DHX9: variants seen among roughly 807,000 people sequenced by gnomAD.
DHX9 encodes the protein ATP-dependent RNA helicase A.
DHX9 carries 27 observed loss-of-function variants against 148.7 expected under a neutral mutation model. That is an observed-to-expected ratio of 0.18 (90% CI 0.13 to 0.25). The LOEUF is 0.25. Ranked by LOEUF, DHX9 falls within the 10% of genes least tolerant of loss-of-function variation. DHX9 has a pLI of 1.00. For missense variants in DHX9, 796 were observed against 1,559.6 expected, an observed-to-expected ratio of 0.51 and a Z score of 8.25; for synonymous variants, 529 against 516.6, an observed-to-expected ratio of 1.02 and a Z score of -0.33.
At chr1:182,853,951 GAC>G (rs749307268) in intron 5 of DHX9, 77 bp from the exon 6 acceptor site, 75 of 1,315,724 alleles carry the variant, frequency 5.7e-5, no homozygotes, top group South Asian at 4.2e-4. Flanking sequence ...ATAGTACAAA[GAC>G]AGTATTAAAA....
At chr1:182,841,917 C>G (rs536084707) in intron 1 of DHX9, among the ~76,000 whole-genome samples, 1 of 152,274 alleles carries the variant, frequency 6.6e-6, no homozygotes, top group East Asian at 1.9e-4. Context: ...TTACCGTCTT[C>G]AGTACTGAGT....
chr1:182,881,323 A>G lies in DHX9; in HGVS notation c.2684A>G (p.Asn895Ser), dbSNP rs572433305. The change falls in exon 23 of 28, where the codon AAT (asparagine) becomes AGT (serine). Residue 895 changes from asparagine to serine, a missense_variant. Physicochemically the swap from Asn to Ser is conservative, Grantham distance 46. Transcript: ENST00000367549. Reference sequence around the variant, plus strand: ...ACCTGCTTTCCAGAGCCTTTCATCAATGAAGGAAAGCGGCTGGGCTATATC... The same window carrying G: ...ACCTGCTTTCCAGAGCCTTTCATCAGTGAAGGAAAGCGGCTGGGCTATATC... ...AATCFPEPFI[N>S]EGKRLGYIHR... 28 of 1,614,174 alleles carry G rather than the reference A, an allele frequency of 1.7e-5. No individual in the cohort carries two copies. The highest frequency in any genetic ancestry group is 1.6e-4 in the Middle Eastern group (1 of 6,062).
At chr1:182,851,250 C>T (rs995842350) in intron 3 of DHX9, among the ~76,000 whole-genome samples, 2 of 152,086 alleles carry the variant, frequency 1.3e-5, no homozygotes, top group African/African-American at 2.4e-5. Flanking sequence ...TATATATTGG[C>T]AGAAGCAAAG....
intron 18 of DHX9, 114 bp downstream of exon 18, chr1:182,876,655 A>G (rs1418514415): frequency 1.9e-6 from 2 of 1,036,186 alleles, no homozygotes; most frequent in African/African-American, 3.2e-5. Flanking sequence ...TTGAGGAAGA[A>G]AAAAGGAGTC....
intron 13 of DHX9, 74 bp from the exon 14 acceptor site, chr1:182,866,887 G>T (rs1648318231): frequency 2.6e-5 from 30 of 1,173,300 alleles, no homozygotes; most frequent in Non-Finnish European, 3.4e-5. Flanking sequence ...TCTCTTAGTT[G>T]AAATATAGAT....
At position 182,884,927 on chromosome 1, in the gene DHX9, T is replaced by C. The variant is rs760547596; in HGVS notation, c.3461+114T>C. On this transcript the variant is annotated intron_variant, in intron 27 of 27. Transcript: ENST00000367549. ...TATTACTTAAGTAAAATTCTAGATA[T>C]AGATAGAGCTATATAGATAGAGAGT... 410 of 885,642 alleles carry C rather than the reference T, an allele frequency of 4.6e-4. 3 individuals are homozygous for C. The Middle Eastern group carries it at 0.014, about 29-fold the overall frequency. 54.9% of individuals were successfully genotyped at this position (885,642 alleles called of 1,614,324 possible). A position where few individuals can be genotyped will look rare whatever the true frequency, so the allele number is the denominator to read the frequency against.
At chr1:182,883,495 G>GT (rs1260931470) in intron 25 of DHX9, 25 bp from the exon 26 acceptor site, 1 of 1,603,970 alleles carries the variant, frequency 6.2e-7, no homozygotes, top group Admixed American at 1.7e-5. Context: ...CAACCATTTT[G>GT]TATTGTCTCT....
At chr1:182,856,694 AAGAT>A in intron 7 of DHX9, 116 bp downstream of exon 7, 1 of 830,676 alleles carries the variant, frequency 1.2e-6, no homozygotes, top group Non-Finnish European at 2.0e-6. Flanking sequence ...CACATAATGT[AAGAT>A]AGCATCTAGG....
chr1:182,863,670 A>C (rs578105604), intron 12 of DHX9, among the ~76,000 whole-genome samples: 1 of 152,320 alleles, frequency 6.6e-6, no homozygotes, highest in East Asian at 1.9e-4. Context: ...TACGCTGTAC[A>C]GTGGCATGCA....
chr1:182,879,177 C>T, intron 20 of DHX9, 73 bp from the exon 21 acceptor site: 8 of 1,259,510 alleles, frequency 6.4e-6, no homozygotes, highest in Non-Finnish European at 7.3e-6. Flanking sequence ...CCCTGATTAC[C>T]TTGCTGCAAA....
intron 3 of DHX9, among the ~76,000 whole-genome samples, chr1:182,850,310 AG>A (rs1203236330): frequency 2.0e-5 from 3 of 152,052 alleles, no homozygotes; most frequent in Admixed American, 1.3e-4. Context: ...CTCAAAAAAA[AG>A]AAAAATGGCG....
At chr1:182,846,202 C>T (rs796364119) in intron 3 of DHX9, among the ~76,000 whole-genome samples, 1 of 151,332 alleles carries the variant, frequency 6.6e-6, no homozygotes, top group African/African-American at 2.4e-5. Flanking sequence ...TTTAGGATTT[C>T]TATGCCAGGG....
intron 1 of DHX9, among the ~76,000 whole-genome samples, chr1:182,842,157 C>G (rs977095257): frequency 3.3e-5 from 5 of 152,070 alleles, no homozygotes; most frequent in African/African-American, 4.8e-5. Flanking sequence ...AATGATAGTA[C>G]CCACCATATC....
At chr1:182,862,242 G>T (rs1668374599) in intron 12 of DHX9, among the ~76,000 whole-genome samples, 1 of 152,136 alleles carries the variant, frequency 6.6e-6, no homozygotes, top group African/African-American at 2.4e-5. Flanking sequence ...TATTATCTCA[G>T]TTCACAGAGC....
chr1:182,843,177 G>A lies in DHX9; in HGVS notation c.112-117G>A, dbSNP rs902707568. ...TCTTATTTTTATATTTATATTTATA[G>A]AGTATATTTCCTAAAGTTAGCTGTT... On this transcript the variant is annotated intron_variant, in intron 2 of 27. Coordinates refer to ENST00000367549, the MANE Select transcript of DHX9 (RefSeq NM_001357.5). 6.7e-6 allele frequency: 4 copies of A among 593,708 alleles called. No homozygotes were observed. The African/African-American group carries it at 7.8e-5, about 12-fold the overall frequency. The allele number at this position is 593,708 out of a possible 1,614,324, so 36.8% of individuals were successfully genotyped here.
intron 3 of DHX9, among the ~76,000 whole-genome samples, chr1:182,849,954 A>G (rs904817299): frequency 2.0e-5 from 3 of 149,194 alleles, no homozygotes; most frequent in African/African-American, 7.4e-5. Flanking sequence ...TATCAAAAAA[A>G]CTGGTTCATT....
rs779716441 is a variant in DHX9, at chr1:182,866,946, GTT to G, written c.1475-11_1475-10del. 1.3e-6 allele frequency: 2 copies of G among 1,596,364 alleles called. No individual in the cohort carries two copies. The highest frequency in any genetic ancestry group is 3.5e-5 in the Admixed American group (2 of 56,378). Reference sequence around the variant, plus strand: ...TGAACTTTTCTATAGTTTATTGATTGTTTTTCTTTTCAAGGTGTGCTCCTGAG... The same window carrying G: ...TGAACTTTTCTATAGTTTATTGATTGTTTCTTTTCAAGGTGTGCTCCTGAG... On this transcript the variant is annotated splice_polypyrimidine_tract_variant and intron_variant, in intron 13 of 27. Transcript: ENST00000367549.
intron 6 of DHX9, chr1:182,855,708 C>G: frequency 1.0e-6 from 1 of 985,444 alleles, no homozygotes; most frequent in Non-Finnish European, 1.2e-6. Context: ...GCCGCTGTGC[C>G]TGAAGGTCAG....
intron 5 of DHX9, 124 bp downstream of exon 5, chr1:182,853,542 A>G: frequency 1.5e-6 from 1 of 645,724 alleles, no homozygotes; most frequent in Non-Finnish European, 2.6e-6. Flanking sequence ...GTTATTTGAG[A>G]CTACTTATTA....
Sources: gnomAD v4.1 joint callset for allele counts (sites outside exome capture counted in the v4.1 genomes callset) on GRCh38, gnomAD v4.1.1 for gene constraint, MANE v1.5 for transcripts, NCBI Gene and HGNC (gene_info 2026-07-23, HGNC 2026-07-21) for gene names.